The following NIM1K variants were observed in gnomAD, a reference collection of about 807,000 sequenced individuals.
NIM1K encodes NIM1 serine/threonine protein kinase, also known as serine/threonine-protein kinase NIM1.
In NIM1K, 35 loss-of-function variants were observed where a neutral mutation model predicts 37.1. The observed-to-expected ratio is 0.94, with a 90% CI of 0.72 to 1.25. NIM1K has a LOEUF of 1.25. Ranked by LOEUF, NIM1K falls within the 50% of genes most tolerant of loss-of-function variation. The pLI is 0.00. For synonymous variants in NIM1K, 234 were observed against 206.6 expected (o/e 1.13, Z -1.14); for missense variants, 564 against 548.0 (o/e 1.03, Z -0.29).
intron 1 of NIM1K, among the ~76,000 whole-genome samples, chr5:43,200,754 G>T (rs957171572): frequency 6.6e-6 from 1 of 152,188 alleles, no homozygotes; most frequent in African/African-American, 2.4e-5. Context: ...AGGTCAGCTG[G>T]TCCGGATGGA....
At chr5:43,238,697 T>C (rs1752655431) in intron 1 of NIM1K, among the ~76,000 whole-genome samples, 1 of 151,920 alleles carries the variant, frequency 6.6e-6, no homozygotes. Context: ...GATGGCTATG[T>C]GGCTTTCTTG....
chr5:43,255,241 ATACT>A (rs1235633526), intron 2 of NIM1K, among the ~76,000 whole-genome samples: 4 of 152,210 alleles, frequency 2.6e-5, no homozygotes, highest in Admixed American at 6.5e-5. Context: ...TATTATGATA[ATACT>A]TACTCCAGGT....
At chr5:43,274,798 A>G (rs1753313571) in intron 2 of NIM1K, among the ~76,000 whole-genome samples, 1 of 152,192 alleles carries the variant, frequency 6.6e-6, no homozygotes, top group South Asian at 2.1e-4. Flanking sequence ...TAATATACCA[A>G]TAACACTCCT....
intron 2 of NIM1K, among the ~76,000 whole-genome samples, chr5:43,272,340 C>G (rs986676452): frequency 2.0e-5 from 3 of 151,982 alleles, no homozygotes; most frequent in Admixed American, 6.5e-5. Context: ...GAGTACATCC[C>G]CCTGTTTTAT....
chr5:43,220,544 G>A (rs1752366513), intron 1 of NIM1K, among the ~76,000 whole-genome samples: 1 of 152,154 alleles, frequency 6.6e-6, no homozygotes, highest in Non-Finnish European at 1.5e-5. Flanking sequence ...GCCTTCCAAA[G>A]TGCTGGGATT....
chr5:43,221,293 A>G (rs1752377554), intron 1 of NIM1K, among the ~76,000 whole-genome samples: 1 of 151,882 alleles, frequency 6.6e-6, no homozygotes, highest in East Asian at 1.9e-4. Flanking sequence ...TGGCCAACAT[A>G]ATGAAACCTG....
rs1752775726 is a variant in NIM1K, at chr5:43,246,047, G to A, written c.272G>A (p.Gly91Glu). ...GGAAACTTCTCCCAAGTGAAGCTTG[G>A]GATTCACTCCCTAACCAAAGGTAGG... ...GSGNFSQVKL[G>E]IHSLTKEKVA... is the part of the protein sequence containing the mutation. Residue 91 changes from glycine to glutamate, a missense_variant, in exon 2 of 4, where the codon GGG becomes GAG. By Grantham distance (98) the Gly-to-Glu change is moderately conservative. Transcript: ENST00000326035. The A allele has an allele frequency of 3.1e-6, 5 of 1,612,724 alleles. No individual in the cohort carries two copies.
chr5:43,211,084 A>G (rs1001954344), intron 1 of NIM1K, among the ~76,000 whole-genome samples: 4 of 152,214 alleles, frequency 2.6e-5, no homozygotes, highest in African/African-American at 9.7e-5. Context: ...AGGCAGGAGA[A>G]TCACTTGAAC....
rs572316710 is a variant in NIM1K at position 43,255,183 on chromosome 5, G to T, written c.292+9116G>T. 3.9e-5 allele frequency among the ~76,000 whole-genome samples: 6 copies of T among 152,316 alleles called. 1 individual carries two copies. In the South Asian group the frequency reaches 1.2e-3, roughly 32 times the overall value. ...GACTCTGTGGTAACATGGAAGATGGGCAGGACATGAGTGTAAGTGAAAAGC... is the reference window on the plus strand; with the variant it reads ...GACTCTGTGGTAACATGGAAGATGGTCAGGACATGAGTGTAAGTGAAAAGC... On this transcript the variant is annotated intron_variant, in intron 2 of 3. Coordinates refer to ENST00000326035, the MANE Select transcript of NIM1K (RefSeq NM_153361.4).
At chr5:43,262,414 T>C (rs888966732) in intron 2 of NIM1K, among the ~76,000 whole-genome samples, 3 of 152,220 alleles carry the variant, frequency 2.0e-5, no homozygotes, top group Non-Finnish European at 4.4e-5. Flanking sequence ...TCTCTTTGTC[T>C]GTTATTGGTA....
chr5:43,256,785 C>T (rs1426094436), intron 2 of NIM1K, among the ~76,000 whole-genome samples: 1 of 152,214 alleles, frequency 6.6e-6, no homozygotes, highest in East Asian at 1.9e-4. Context: ...AGTTCTCTCA[C>T]TCTCCTAATA....
intron 1 of NIM1K, among the ~76,000 whole-genome samples, chr5:43,244,752 T>A (rs941964992): frequency 5.9e-5 from 9 of 152,248 alleles, no homozygotes; most frequent in African/African-American, 2.2e-4. Context: ...CCAGAATCTT[T>A]CATCTTTGCT....
intron 1 of NIM1K, among the ~76,000 whole-genome samples, chr5:43,199,207 ATATATATATAT>A (rs1751982730): frequency 1.8e-3 from 120 of 67,556 alleles, no homozygotes; most frequent in Middle Eastern, 0.012. Context: ...AAAAAAAAAT[ATATATATATAT>A]ATATATATAT....
chr5:43,214,819 AAAAAAAAAAAAAC>A (rs1752275437), intron 1 of NIM1K, among the ~76,000 whole-genome samples: 1 of 143,258 alleles, frequency 7.0e-6, no homozygotes, highest in South Asian at 2.2e-4. Flanking sequence ...GTCTCAAAAA[AAAAAAAAAAAAAC>A]AAAAAAGAAA....
chr5:43,231,862 C>A, intron 1 of NIM1K: 1 of 1,214,370 alleles, frequency 8.2e-7, no homozygotes, highest in Non-Finnish European at 1.2e-6. Flanking sequence ...GAATCCACAC[C>A]AACCTCCTTA....
intron 2 of NIM1K, among the ~76,000 whole-genome samples, chr5:43,248,804 G>A (rs957122974): frequency 2.6e-5 from 4 of 151,114 alleles, no homozygotes; most frequent in Non-Finnish European, 5.9e-5. Flanking sequence ...AAAGACCAAT[G>A]TCCCAGGTAA....
At chr5:43,275,970 G>A (rs1009318758) in intron 2 of NIM1K, among the ~76,000 whole-genome samples, 3 of 147,822 alleles carry the variant, frequency 2.0e-5, no homozygotes, top group South Asian at 2.1e-4. Context: ...GTGCGATCTC[G>A]GCTCACTGCA....
In NIM1K at chr5:43,206,242, G is replaced by A. The variant is rs576717967; in HGVS notation, c.-695+13831G>A. Among the ~76,000 whole-genome samples, 504 of 152,142 alleles carry A rather than the reference G, an allele frequency of 3.3e-3. 2 individuals carry two copies. The highest frequency in any genetic ancestry group is 0.011 in the African/African-American group (439 of 41,506). The stretch of plus-strand genomic sequence containing the variant: ...TAAGTAAAGAAAAGAAAATACCGCC[G>A]GGCGGGGTGGCTCTATGCCTGTAGT... On this transcript the variant is annotated intron_variant, in intron 1 of 3. Coordinates refer to ENST00000326035, the MANE Select transcript of NIM1K (RefSeq NM_153361.4).
chr5:43,198,199 CTTTCTTTCTCTTTCTTTCTT>C (rs1383672895), intron 1 of NIM1K, among the ~76,000 whole-genome samples: 1,473 of 50,552 alleles, frequency 0.029, 5 homozygotes, highest in Middle Eastern at 0.075. Context: ...TTCTTTCTTT[CTTTCTTTCTCTTTCTTTCTT>C]TCTTTCTTTC....
Sources: gnomAD v4.1 joint callset for allele counts (sites outside exome capture counted in the v4.1 genomes callset) on GRCh38, gnomAD v4.1.1 for gene constraint, MANE v1.5 for transcripts, NCBI Gene and HGNC (gene_info 2026-07-23, HGNC 2026-07-21) for gene names.